The following PTPRT variants were observed in gnomAD, a reference collection of about 807,000 sequenced individuals.
PTPRT encodes the protein receptor-type tyrosine-protein phosphatase T.
A neutral mutation model predicts 176.8 loss-of-function variants in PTPRT; 56 were observed. The ratio of observed to expected loss-of-function variants is 0.32; its 90% CI spans 0.26 to 0.40. The LOEUF (loss-of-function observed/expected upper bound fraction) is 0.40. PTPRT is among the 10% of genes least tolerant of loss of function. The pLI is 1.00. For synonymous variants in PTPRT, 783 were observed against 739.0 expected, an observed-to-expected ratio of 1.06 and a Z score of -0.96; for missense variants, 1,540 against 1,908.2, an observed-to-expected ratio of 0.81 and a Z score of 3.60.
At chr20:42,620,411 C>A (rs923225048) in intron 7 of PTPRT, among the ~76,000 whole-genome samples, 1 of 149,784 alleles carries the variant, frequency 6.7e-6, no homozygotes, top group Non-Finnish European at 1.5e-5. Flanking sequence ...TGTGCCCTGC[C>A]CCCAGAGGTG....
intron 12 of PTPRT, among the ~76,000 whole-genome samples, chr20:42,300,999 C>A (rs985063826): frequency 2.0e-5 from 3 of 151,756 alleles, no homozygotes; most frequent in Admixed American, 1.3e-4. Flanking sequence ...GGGAGATATA[C>A]CTAATGGCAA....
At chr20:42,957,746 A>C (rs1182563707) in intron 1 of PTPRT, among the ~76,000 whole-genome samples, 1 of 152,168 alleles carries the variant, frequency 6.6e-6, no homozygotes, top group Non-Finnish European at 1.5e-5. Context: ...AAATTTTTTA[A>C]CAAACTCAGA....
chr20:42,130,414 C>G (rs1370942505), intron 18 of PTPRT, among the ~76,000 whole-genome samples: 1 of 152,130 alleles, frequency 6.6e-6, no homozygotes, highest in Non-Finnish European at 1.5e-5. Flanking sequence ...TCCCTTGCTG[C>G]TAAGGAAGGC....
intron 2 of PTPRT, among the ~76,000 whole-genome samples, chr20:42,828,623 A>G (rs1415826616): frequency 6.6e-6 from 1 of 152,124 alleles, no homozygotes; most frequent in Non-Finnish European, 1.5e-5. Context: ...CAGCCTAGGA[A>G]CTTCGTGTCC....
intron 16 of PTPRT, among the ~76,000 whole-genome samples, chr20:42,182,659 G>A (rs1990569747): frequency 6.6e-6 from 1 of 152,160 alleles, no homozygotes; most frequent in African/African-American, 2.4e-5. Context: ...CTGGTCCCAT[G>A]AGACATTAAC....
At chr20:42,504,494 CTTATT>C (rs924741365) in intron 7 of PTPRT, among the ~76,000 whole-genome samples, 65 of 152,058 alleles carry the variant, frequency 4.3e-4, no homozygotes, top group African/African-American at 1.5e-3. Flanking sequence ...AAATTAAAAT[CTTATT>C]TTAATAAAAT....
At chr20:43,016,570 T>C (rs1480074850) in intron 1 of PTPRT, among the ~76,000 whole-genome samples, 1 of 141,956 alleles carries the variant, frequency 7.0e-6, no homozygotes, top group Non-Finnish European at 1.5e-5. Flanking sequence ...TTTTTTTTTT[T>C]TTTTTTTTTG....
intron 1 of PTPRT, among the ~76,000 whole-genome samples, chr20:42,973,434 CCTCT>C (rs570613568): frequency 4.0e-5 from 6 of 150,806 alleles, no homozygotes; most frequent in African/African-American, 1.5e-4. Flanking sequence ...TTTATCCCAT[CCTCT>C]CTCTCTCTCT....
chr20:42,246,921 A>G (rs546072070), intron 14 of PTPRT, among the ~76,000 whole-genome samples: 3 of 152,336 alleles, frequency 2.0e-5, no homozygotes, highest in South Asian at 4.1e-4. Context: ...GTGATCTTAC[A>G]TGTACAATGT....
At chr20:42,110,608 T>TTTG in intron 22 of PTPRT, 121 bp from the exon 23 acceptor site, 1 of 1,056,052 alleles carries the variant, frequency 9.5e-7, no homozygotes, top group East Asian at 2.6e-5. Flanking sequence ...CCTCACAGTG[T>TTTG]TTGTTAATAG....
At chr20:43,109,618 G>A (rs142119122) in intron 1 of PTPRT, among the ~76,000 whole-genome samples, 13 of 152,152 alleles carry the variant, frequency 8.5e-5, no homozygotes, top group Admixed American at 5.9e-4. Flanking sequence ...TCATTTGAGT[G>A]AACATTCAAG....
At chr20:42,380,820 T>C (rs6030184) in intron 9 of PTPRT, among the ~76,000 whole-genome samples, 125,874 of 152,146 alleles carry the variant, frequency 0.83, 52,207 homozygotes, top group East Asian at 0.95. Flanking sequence ...CGTTTTTGCA[T>C]TGCTATAAAG....
chr20:42,259,415 T>G (rs1253654866), intron 13 of PTPRT, among the ~76,000 whole-genome samples: 1 of 152,188 alleles, frequency 6.6e-6, no homozygotes, highest in Non-Finnish European at 1.5e-5. Context: ...ACACACCCCT[T>G]CTATGGCATA....
intron 1 of PTPRT, among the ~76,000 whole-genome samples, chr20:43,067,884 T>C (rs1467225418): frequency 7.5e-6 from 1 of 133,640 alleles, no homozygotes; most frequent in Non-Finnish European, 1.6e-5. Flanking sequence ...GAGGAATACT[T>C]GTGTCAGGAT....
chr20:42,353,207 G>A (rs1165426541), intron 9 of PTPRT, among the ~76,000 whole-genome samples: 3 of 152,144 alleles, frequency 2.0e-5, no homozygotes, highest in East Asian at 1.9e-4. Flanking sequence ...CAGGTAGAGC[G>A]TCCCGATGAG....
At chr20:42,388,820 G>A (rs1225923803) in intron 9 of PTPRT, among the ~76,000 whole-genome samples, 2 of 152,168 alleles carry the variant, frequency 1.3e-5, no homozygotes, top group African/African-American at 4.8e-5. Flanking sequence ...AAAGACGCAT[G>A]CACACATATG....
intron 1 of PTPRT, among the ~76,000 whole-genome samples, chr20:43,120,482 A>T (rs1419587904): frequency 6.6e-6 from 1 of 152,180 alleles, no homozygotes; most frequent in Non-Finnish European, 1.5e-5. Context: ...CATGTTAGCC[A>T]GGATGGTCTC....
In PTPRT at chr20:42,211,168, C is replaced by T. The variant is rs547852451; in HGVS notation, c.2343-11780G>A. ...GTTCAAGATGGATTAAAGACTTAAA[C>T]GTTAGACCTAAAACCATAAAAACCC... On this transcript the variant is annotated intron_variant, in intron 15 of 30. Transcript: ENST00000373187. Among the ~76,000 whole-genome samples the T allele has an allele frequency of 2.4e-4, 37 of 152,242 alleles. 1 individual carries two copies. The highest frequency in any genetic ancestry group is 4.6e-4 in the Non-Finnish European group (31 of 68,016).
intron 7 of PTPRT, among the ~76,000 whole-genome samples, chr20:42,507,364 G>A (rs141305180): frequency 9.9e-5 from 15 of 152,186 alleles, no homozygotes; most frequent in Non-Finnish European, 1.9e-4. Context: ...AGCTTCCATG[G>A]AGATGAGACA....
Sources: allele counts gnomAD v4.1 joint callset (sites outside exome capture counted in the v4.1 genomes callset), GRCh38; gene constraint gnomAD v4.1.1; transcripts MANE v1.5; gene names NCBI Gene and HGNC (gene_info 2026-07-23, HGNC 2026-07-21).